The following BCO1 variants were observed in gnomAD, a reference collection of about 807,000 sequenced individuals.
BCO1 encodes the protein beta,beta-carotene 15,15'-dioxygenase.
BCO1 carries 54 observed loss-of-function variants against 56.3 expected under a neutral mutation model. That is an observed-to-expected ratio of 0.96 (90% confidence interval 0.77 to 1.20). The LOEUF is 1.20. Among genes scored for constraint, BCO1 ranks in the 50% most tolerant of loss-of-function variants. BCO1 has a pLI of 0.00. For synonymous variants in BCO1, 318 were observed against 266.1 expected, an observed-to-expected ratio of 1.20 and a Z score of -1.90; for missense variants, 801 against 690.9, an observed-to-expected ratio of 1.16 and a Z score of -1.79.
intron 1 of BCO1, among the ~76,000 whole-genome samples, chr16:81,241,400 C>T (rs562945357): frequency 6.6e-6 from 1 of 152,260 alleles, no homozygotes; most frequent in East Asian, 1.9e-4. Flanking sequence ...TTAATGACTG[C>T]ATGAAATCCT....
Position 81,290,538 on chromosome 16 carries a change from G to C in BCO1, c.1605G>C (p.Arg535=), listed in dbSNP as rs1177929315. ...TKKQAASEEQ[R]DRASDCHGAP... Reference sequence around the variant, plus strand: ...AGCAGGCCGCTTCTGAGGAACAGCGGGACAGGGCTTCCGACTGCCACGGGG... The same window carrying C: ...AGCAGGCCGCTTCTGAGGAACAGCGCGACAGGGCTTCCGACTGCCACGGGG... The change falls in exon 11 of 11, where the codon CGG becomes CGC. Residue 535 remains arginine, a synonymous_variant. Transcript: ENST00000258168. The C allele has an allele frequency of 2.5e-6, 4 of 1,614,080 alleles. No homozygotes were observed. Among genetic ancestry groups the C allele is most frequent in the South Asian group, 2.2e-5 (2 of 91,084 alleles).
At chr16:81,267,186 C>T (rs902362517) in intron 5 of BCO1, among the ~76,000 whole-genome samples, 8 of 152,210 alleles carry the variant, frequency 5.3e-5, no homozygotes, top group Admixed American at 1.3e-4. Flanking sequence ...AGGAGGAAGG[C>T]GAAGGGGGCT....
intron 7 of BCO1, among the ~76,000 whole-genome samples, 175 bp from the exon 8 acceptor site, chr16:81,280,682 T>G (rs1256441038): frequency 6.6e-6 from 1 of 152,186 alleles, no homozygotes; most frequent in South Asian, 2.1e-4. Context: ...CCAATCCTCA[T>G]TTTTTAAACT....
At chr16:81,287,876 C>T (rs932973211) in intron 10 of BCO1, among the ~76,000 whole-genome samples, 3 of 152,080 alleles carry the variant, frequency 2.0e-5, no homozygotes, top group African/African-American at 7.2e-5. Context: ...CAGGAAGCTC[C>T]CCTGAGACTC....
At position 81,290,363 on chromosome 16, in the gene BCO1, C is replaced by T; in HGVS notation, c.1430C>T (p.Ala477Val). Reference protein sequence around the residue: ...KDEDDGVILSAIVSTDPQKLP... With the variant: ...KDEDDGVILSVIVSTDPQKLP... Reference sequence around the variant, plus strand: ...TTCCCTAAAGGAGTAATCTTATCAGCCATTGTCTCTACTGATCCCCAAAAG... The same window carrying T: ...TTCCCTAAAGGAGTAATCTTATCAGTCATTGTCTCTACTGATCCCCAAAAG... Residue 477 changes from alanine to valine, a missense_variant, in exon 11 of 11, where the codon GCC becomes GTC. Coordinates refer to ENST00000258168, the MANE Select transcript of BCO1 (RefSeq NM_017429.3). 5 of 1,613,874 alleles carry T rather than the reference C, an allele frequency of 3.1e-6. No individual in the cohort carries two copies. The highest frequency in any genetic ancestry group is 4.2e-6 in the Non-Finnish European group (5 of 1,179,736).
intron 2 of BCO1, among the ~76,000 whole-genome samples, chr16:81,252,283 G>A (rs935201569): frequency 6.6e-6 from 1 of 151,480 alleles, no homozygotes; most frequent in Non-Finnish European, 1.5e-5. Flanking sequence ...TTTTTGAGAT[G>A]GAGACTTGCT....
intron 1 of BCO1, among the ~76,000 whole-genome samples, chr16:81,240,645 C>T (rs1471222900): frequency 7.3e-5 from 11 of 151,648 alleles, no homozygotes; most frequent in Admixed American, 5.3e-4. Flanking sequence ...GCAGAGGTTG[C>T]AGTGAGCTGA....
chr16:81,264,454 A>C (rs979171425), intron 4 of BCO1, among the ~76,000 whole-genome samples, 186 bp from the exon 5 acceptor site: 11 of 152,230 alleles, frequency 7.2e-5, no homozygotes, highest in Non-Finnish European at 1.5e-5. Flanking sequence ...AGTCTTCTTT[A>C]AAAGCAAATT....
chr16:81,247,776 T>C (rs1905511668), intron 2 of BCO1, among the ~76,000 whole-genome samples: 1 of 152,066 alleles, frequency 6.6e-6, no homozygotes, highest in Non-Finnish European at 1.5e-5. Flanking sequence ...TCTGCCCACC[T>C]CGGCCTCCCA....
intron 7 of BCO1, 125 bp from the exon 8 acceptor site, chr16:81,280,732 G>C: frequency 2.7e-6 from 2 of 732,990 alleles, no homozygotes; most frequent in Non-Finnish European, 4.7e-6. Flanking sequence ...TGCTTCCTAT[G>C]ATTAATGTGA....
intron 2 of BCO1, among the ~76,000 whole-genome samples, chr16:81,252,738 G>A (rs142112028): frequency 2.6e-5 from 4 of 152,162 alleles, no homozygotes; most frequent in African/African-American, 9.6e-5. Flanking sequence ...GAGTATGTGT[G>A]GCCTTGCTCA....
intron 7 of BCO1, among the ~76,000 whole-genome samples, chr16:81,272,803 C>T (rs1294273014): frequency 6.6e-6 from 1 of 152,174 alleles, no homozygotes; most frequent in Non-Finnish European, 1.5e-5. Flanking sequence ...GTTTTTCTTA[C>T]CTCACTTAAT....
intron 2 of BCO1, among the ~76,000 whole-genome samples, chr16:81,254,949 G>C (rs567763910): frequency 6.6e-6 from 1 of 152,228 alleles, no homozygotes; most frequent in Non-Finnish European, 1.5e-5. Flanking sequence ...ATACCCATCT[G>C]ATTTTTGTAT....
chr16:81,272,972 T>G (rs1907328314), intron 7 of BCO1, among the ~76,000 whole-genome samples: 1 of 151,856 alleles, frequency 6.6e-6, no homozygotes, highest in South Asian at 2.1e-4. Context: ...CCCCCATTTT[T>G]TTTTTCTTTT....
At position 81,270,305 on chromosome 16, in the gene BCO1, C is replaced by T. The variant is rs768820868; in HGVS notation, c.990C>T (p.Ser330=). Residue 330 remains serine (S), a synonymous_variant, in exon 7 of 11, where the codon AGC becomes AGT. Coordinates refer to ENST00000258168, the MANE Select transcript of BCO1 (RefSeq NM_017429.3). ...VFDVIAYEDN[S]LYQLFYLANL... is the part of the protein sequence containing the mutation. ...ACGTCATTGCCTACGAGGACAACAG[C>T]CTCTACCAGCTCTTCTACCTGGCCA... 4.3e-6 allele frequency: 7 copies of T among 1,614,154 alleles called. No individual in the cohort carries two copies. Among genetic ancestry groups the T allele is most frequent in the Non-Finnish European group, 5.1e-6 (6 of 1,180,022 alleles).
chr16:81,265,461 C>T (rs1157736500), intron 5 of BCO1, among the ~76,000 whole-genome samples: 1 of 149,822 alleles, frequency 6.7e-6, no homozygotes, highest in African/African-American at 2.5e-5. Flanking sequence ...ACCACCCATC[C>T]ACCATCTATC....
intron 5 of BCO1, among the ~76,000 whole-genome samples, chr16:81,265,484 C>T (rs146285377): frequency 1.5e-3 from 198 of 136,248 alleles, no homozygotes; most frequent in African/African-American, 4.8e-3. Flanking sequence ...CCCACCCACC[C>T]GCCCACCCAT....
chr16:81,253,344 C>G (rs151075594), intron 2 of BCO1, among the ~76,000 whole-genome samples: 207 of 152,264 alleles, frequency 1.4e-3, no homozygotes, highest in African/African-American at 4.9e-3. Context: ...TTGCAAGCCT[C>G]AAATGTCACG....
chr16:81,261,446 T>A (rs998734621), intron 3 of BCO1, among the ~76,000 whole-genome samples: 7 of 152,230 alleles, frequency 4.6e-5, no homozygotes, highest in Non-Finnish European at 2.9e-5. Flanking sequence ...GGACTCACAT[T>A]CCTGGCAAAG....
Sources: allele counts gnomAD v4.1 joint callset (sites outside exome capture counted in the v4.1 genomes callset), GRCh38; gene constraint gnomAD v4.1.1; transcripts MANE v1.5; gene names NCBI Gene and HGNC (gene_info 2026-07-23, HGNC 2026-07-21).